The following PTPRG variants were observed in gnomAD, a reference collection of about 807,000 sequenced individuals.
PTPRG encodes receptor-type tyrosine-protein phosphatase gamma.
In PTPRG, 102 loss-of-function variants were observed where a neutral mutation model predicts 165.3. The ratio of observed to expected loss-of-function variants is 0.62; its 90% CI spans 0.53 to 0.73. The LOEUF is 0.73. PTPRG is among the 30% of genes least tolerant of loss of function. The probability of loss-of-function intolerance (pLI) is 0.00; values close to 1 mark genes in which losing one functional copy is unlikely to be tolerated. For missense variants in PTPRG, 1,866 were observed against 1,861.4 expected, an observed-to-expected ratio of 1.00 and a Z score of -0.05; for synonymous variants, 675 against 669.5, an observed-to-expected ratio of 1.01 and a Z score of -0.13.
chr3:61,809,981 G>A (rs1243650388), intron 2 of PTPRG, among the ~76,000 whole-genome samples: 1 of 152,138 alleles, frequency 6.6e-6, no homozygotes, highest in Non-Finnish European at 1.5e-5. Context: ...TTGGAATTGT[G>A]GCCATGCCCA....
At chr3:61,809,487 A>T (rs907959059) in intron 2 of PTPRG, among the ~76,000 whole-genome samples, 2 of 152,086 alleles carry the variant, frequency 1.3e-5, no homozygotes, top group Non-Finnish European at 2.9e-5. Flanking sequence ...TGTCTGACAC[A>T]CAGAAGATAC....
chr3:61,907,801 C>T (rs2038693765), intron 2 of PTPRG, among the ~76,000 whole-genome samples: 1 of 152,022 alleles, frequency 6.6e-6, no homozygotes, highest in Non-Finnish European at 1.5e-5. Flanking sequence ...TGAGCAGAGA[C>T]CAAGGTACAG....
At chr3:61,968,845 A>G (rs1467017781) in intron 2 of PTPRG, among the ~76,000 whole-genome samples, 2 of 152,150 alleles carry the variant, frequency 1.3e-5, no homozygotes, top group Non-Finnish European at 2.9e-5. Flanking sequence ...AATCTGTGCT[A>G]TGGCAGTTGG....
At chr3:61,709,207 G>C (rs1043243806) in intron 1 of PTPRG, among the ~76,000 whole-genome samples, 4 of 152,220 alleles carry the variant, frequency 2.6e-5, no homozygotes, top group African/African-American at 9.6e-5. Context: ...GTGTAAGCCA[G>C]CTAATGCGTG....
At chr3:62,046,045 G>A (rs369311810) in intron 4 of PTPRG, among the ~76,000 whole-genome samples, 1 of 152,154 alleles carries the variant, frequency 6.6e-6, no homozygotes, top group South Asian at 2.1e-4. Context: ...TGAGGTGGTC[G>A]CACAAAGCAC....
chr3:62,066,669 C>T (rs893527713), intron 4 of PTPRG, among the ~76,000 whole-genome samples: 6 of 152,130 alleles, frequency 3.9e-5, no homozygotes, highest in Non-Finnish European at 5.9e-5. Context: ...AGCAAGGAAA[C>T]GTTGTTTCAT....
intron 2 of PTPRG, among the ~76,000 whole-genome samples, chr3:61,768,432 T>C (rs2034103051): frequency 6.6e-6 from 1 of 152,212 alleles, no homozygotes; most frequent in Non-Finnish European, 1.5e-5. Flanking sequence ...CAGTACAGAA[T>C]TGTTGGAGTC....
intron 8 of PTPRG, 121 bp from the exon 9 acceptor site, chr3:62,191,348 A>G (rs1422384908): frequency 2.6e-6 from 2 of 776,516 alleles, no homozygotes; most frequent in African/African-American, 1.8e-5. Context: ...ACCCAGGAGA[A>G]GGGAGCATGG....
intron 2 of PTPRG, among the ~76,000 whole-genome samples, chr3:61,907,643 A>G (rs1316413144): frequency 6.6e-6 from 1 of 152,248 alleles, no homozygotes; most frequent in East Asian, 1.9e-4. Flanking sequence ...AAATGCAGAC[A>G]AAAGTTCCTG....
At chr3:62,053,497 C>T (rs1336773669) in intron 4 of PTPRG, among the ~76,000 whole-genome samples, 1 of 152,108 alleles carries the variant, frequency 6.6e-6, no homozygotes, top group Non-Finnish European at 1.5e-5. Flanking sequence ...CATCTCCTGA[C>T]CTCAGATAAT....
chr3:61,906,455 G>GA (rs1200517346), intron 2 of PTPRG, among the ~76,000 whole-genome samples: 19 of 145,966 alleles, frequency 1.3e-4, no homozygotes, highest in South Asian at 2.2e-4. Flanking sequence ...AACTCCACCT[G>GA]AAAAAAAAAG....
At chr3:62,131,391 A>C (rs1703508863) in intron 5 of PTPRG, among the ~76,000 whole-genome samples, 1 of 152,200 alleles carries the variant, frequency 6.6e-6, no homozygotes, top group Non-Finnish European at 1.5e-5. Flanking sequence ...TGTTATTGTC[A>C]GAGAGGACAC....
rs1034822577 is a variant in PTPRG at position 61,900,004 on chromosome 3, C to G, written c.191-89621C>G. Among the ~76,000 whole-genome samples, 66 of 152,158 alleles carry G rather than the reference C, an allele frequency of 4.3e-4. 1 individual carries two copies. Among genetic ancestry groups the G allele is most frequent in the African/African-American group, 1.4e-3 (60 of 41,428 alleles). ...TAAAAAATGACTGCAAAGCACTTTG[C>G]AAATAGAAATTGCTCTATAAATGTC... On this transcript the variant is annotated intron_variant, in intron 2 of 29. Transcript: ENST00000474889.
chr3:61,614,659 G>C (rs532778360), intron 1 of PTPRG, among the ~76,000 whole-genome samples: 1 of 152,038 alleles, frequency 6.6e-6, no homozygotes, highest in Non-Finnish European at 1.5e-5. Flanking sequence ...CAATCCACCC[G>C]CTTTGGCCTC....
chr3:61,843,842 A>G (rs577130185), intron 2 of PTPRG, among the ~76,000 whole-genome samples: 1 of 151,932 alleles, frequency 6.6e-6, no homozygotes, highest in Admixed American at 6.6e-5. Context: ...AAAACAAAAA[A>G]CCCAGTTTTC....
intron 2 of PTPRG, among the ~76,000 whole-genome samples, chr3:61,805,676 C>G (rs2035393017): frequency 6.6e-6 from 1 of 152,156 alleles, no homozygotes; most frequent in African/African-American, 2.4e-5. Context: ...GTCACTGATT[C>G]AGCTCTCAGA....
At chr3:62,125,884 C>A (rs1703272377) in intron 5 of PTPRG, among the ~76,000 whole-genome samples, 1 of 151,944 alleles carries the variant, frequency 6.6e-6, no homozygotes, top group Non-Finnish European at 1.5e-5. Flanking sequence ...TGCTGTAAAG[C>A]CTTTCCCAAA....
chr3:62,149,432 C>T (rs781034824), intron 6 of PTPRG, among the ~76,000 whole-genome samples: 11 of 152,272 alleles, frequency 7.2e-5, no homozygotes, highest in Non-Finnish European at 1.5e-4. Flanking sequence ...CGCCACCATA[C>T]CTGGCTAATT....
intron 1 of PTPRG, among the ~76,000 whole-genome samples, chr3:61,606,270 C>A (rs918179779): frequency 1.3e-5 from 2 of 152,150 alleles, no homozygotes; most frequent in Admixed American, 6.5e-5. Flanking sequence ...CTGAAGGATG[C>A]CTGCCTTTGC....
Sources: allele counts gnomAD v4.1 joint callset (sites outside exome capture counted in the v4.1 genomes callset), GRCh38; gene constraint gnomAD v4.1.1; transcripts MANE v1.5; gene names NCBI Gene and HGNC (gene_info 2026-07-23, HGNC 2026-07-21).